The following NTRK3 variants were observed in gnomAD, a reference collection of about 807,000 sequenced individuals.
The protein encoded by NTRK3 is NT-3 growth factor receptor.
NTRK3 carries 24 observed loss-of-function variants against 91.7 expected under a neutral mutation model. The ratio of observed to expected loss-of-function variants is 0.26; its 90% CI spans 0.19 to 0.37. The LOEUF (loss-of-function observed/expected upper bound fraction) is 0.37, where lower values mean the gene tolerates loss of function less well. Among genes scored for constraint, NTRK3 ranks in the 10% least tolerant of loss-of-function variants. The probability of loss-of-function intolerance (pLI) is 1.00; values close to 1 mark genes in which losing one functional copy is unlikely to be tolerated. For synonymous variants in NTRK3, 483 were observed against 404.0 expected (o/e 1.20, Z -2.34); for missense variants, 880 against 1,068.9 (o/e 0.82, Z 2.46).
At chr15:87,957,043 C>G (rs1261458378) in intron 14 of NTRK3, among the ~76,000 whole-genome samples, 2 of 152,096 alleles carry the variant, frequency 1.3e-5, no homozygotes, top group African/African-American at 2.4e-5. Flanking sequence ...CCAGCCAACC[C>G]CACTCAACGT....
At chr15:88,231,588 G>C (rs1433820606) in intron 3 of NTRK3, among the ~76,000 whole-genome samples, 1 of 152,150 alleles carries the variant, frequency 6.6e-6, no homozygotes, top group African/African-American at 2.4e-5. Context: ...GGTTTCAAAG[G>C]CTGGTGTTTC....
chr15:88,219,286 AGCCAGCTGT>A (rs1265656680), intron 3 of NTRK3, among the ~76,000 whole-genome samples: 1 of 152,260 alleles, frequency 6.6e-6, no homozygotes, highest in Admixed American at 6.5e-5. Context: ...AATCCTCTCC[AGCCAGCTGT>A]GTGGCTGTTT....
chr15:88,205,092 A>T (rs954675363), intron 3 of NTRK3, among the ~76,000 whole-genome samples: 1 of 152,192 alleles, frequency 6.6e-6, no homozygotes, highest in Non-Finnish European at 1.5e-5. Flanking sequence ...AGAAGAAAAC[A>T]ATCCAGGGCT....
At chr15:87,917,134 T>C (rs2067503202) in intron 17 of NTRK3, among the ~76,000 whole-genome samples, 1 of 152,242 alleles carries the variant, frequency 6.6e-6, no homozygotes, top group Non-Finnish European at 1.5e-5. Flanking sequence ...TTTTATAACA[T>C]AAACCACATT....
chr15:88,247,904 G>A (rs890393297), intron 3 of NTRK3, among the ~76,000 whole-genome samples: 2 of 152,170 alleles, frequency 1.3e-5, no homozygotes, highest in Non-Finnish European at 2.9e-5. Flanking sequence ...ACCAGGGAAG[G>A]ACGCAGAAAG....
chr15:87,943,000 G>C (rs2070051981), intron 14 of NTRK3, among the ~76,000 whole-genome samples: 1 of 152,120 alleles, frequency 6.6e-6, no homozygotes, highest in Non-Finnish European at 1.5e-5. Context: ...TTTGGCCCCA[G>C]ACTCCACCCC....
At chr15:87,945,113 C>T (rs547980660) in intron 14 of NTRK3, among the ~76,000 whole-genome samples, 11 of 152,284 alleles carry the variant, frequency 7.2e-5, no homozygotes, top group Middle Eastern at 3.4e-3. Flanking sequence ...TACCCCAGGC[C>T]GTGGGAAGAC....
At chr15:88,061,896 C>G (rs951490706) in intron 13 of NTRK3, among the ~76,000 whole-genome samples, 6 of 152,166 alleles carry the variant, frequency 3.9e-5, no homozygotes, top group South Asian at 4.1e-4. Context: ...GGCCCCTTAT[C>G]CATCAAACGG....
At chr15:88,076,920 C>G (rs1158130203) in intron 13 of NTRK3, among the ~76,000 whole-genome samples, 1 of 151,920 alleles carries the variant, frequency 6.6e-6, no homozygotes, top group Non-Finnish European at 1.5e-5. Context: ...TGGTGAAACC[C>G]CCACCTCTAC....
At chr15:87,916,009 G>C (rs553780062) in intron 17 of NTRK3, among the ~76,000 whole-genome samples, 3 of 152,216 alleles carry the variant, frequency 2.0e-5, no homozygotes, top group Non-Finnish European at 4.4e-5. Flanking sequence ...TTTGGGATTA[G>C]CAAAGCCTAG....
chr15:88,197,120 A>AAAAAAAAAAC (rs2047905754), intron 3 of NTRK3, among the ~76,000 whole-genome samples: 2 of 148,216 alleles, frequency 1.3e-5, no homozygotes, highest in Non-Finnish European at 3.0e-5. Flanking sequence ...AAAAAAAAAA[A>AAAAAAAAAAC]AAAAAAACCT....
intron 13 of NTRK3, among the ~76,000 whole-genome samples, chr15:88,122,130 A>C (rs1465914931): frequency 2.0e-5 from 3 of 152,274 alleles, no homozygotes; most frequent in Non-Finnish European, 4.4e-5. Context: ...TATAAGCATG[A>C]ATATAAATTA....
At chr15:88,048,254 A>G (rs1296370273) in intron 13 of NTRK3, among the ~76,000 whole-genome samples, 1 of 152,120 alleles carries the variant, frequency 6.6e-6, no homozygotes, top group African/African-American at 2.4e-5. Context: ...TCTGGCTCCA[A>G]TCTCTTAGAG....
At chr15:88,068,933 A>G (rs2046880661) in intron 13 of NTRK3, among the ~76,000 whole-genome samples, 1 of 152,190 alleles carries the variant, frequency 6.6e-6, no homozygotes, top group African/African-American at 2.4e-5. Flanking sequence ...AAAGGAAAGT[A>G]GAGCAGGAAG....
rs1225479125 is a variant in NTRK3 at position 88,235,151 on chromosome 15, G to A, written c.248+20755C>T. On this transcript the variant is annotated intron_variant, in intron 3 of 18. Transcript: ENST00000394480. The surrounding 1 kb of genome is among the most constrained non-coding windows in gnomAD (Gnocchi z 5.2). ...TACCTTCACGGAACTTCTTACTCCT[G>A]ATATGATTGTACTGATTTCTTTGCT... Among the ~76,000 whole-genome samples the A allele has an allele frequency of 6.6e-6, 1 of 152,192 alleles. No homozygotes were observed. The highest frequency in any genetic ancestry group is 2.4e-5 in the African/African-American group (1 of 41,438).
intron 14 of NTRK3, among the ~76,000 whole-genome samples, chr15:87,999,627 C>T (rs576646966): frequency 6.6e-6 from 1 of 152,244 alleles, no homozygotes; most frequent in South Asian, 2.1e-4. Context: ...GGCCCTATCA[C>T]AAAAAGCTGC....
chr15:88,200,901 A>ACTCTT (rs1437123664), intron 3 of NTRK3, among the ~76,000 whole-genome samples: 1 of 152,150 alleles, frequency 6.6e-6, no homozygotes, highest in East Asian at 1.9e-4. Flanking sequence ...CTGGGACAAG[A>ACTCTT]GCTCTGCCCA....
intron 14 of NTRK3, among the ~76,000 whole-genome samples, chr15:88,021,380 T>G (rs944263057): frequency 6.6e-6 from 1 of 152,152 alleles, no homozygotes; most frequent in Non-Finnish European, 1.5e-5. Flanking sequence ...CAGCCCTGAA[T>G]GGGATCCATT....
chr15:88,192,098 G>A (rs1259609544), intron 3 of NTRK3, among the ~76,000 whole-genome samples: 2 of 152,236 alleles, frequency 1.3e-5, no homozygotes, highest in Non-Finnish European at 2.9e-5. Flanking sequence ...ACAGATGGAA[G>A]ACGACAGCAT....
Sources: allele counts gnomAD v4.1 joint callset (sites outside exome capture counted in the v4.1 genomes callset), GRCh38; gene constraint gnomAD v4.1.1; non-coding constraint Gnocchi (gnomAD v3.1); transcripts MANE v1.5; gene names NCBI Gene and HGNC (gene_info 2026-07-23, HGNC 2026-07-21).